Variants in CCDC14 observed in about 807,000 individuals in gnomAD.
The protein encoded by CCDC14 is coiled-coil domain-containing protein 14.
CCDC14 carries 71 observed loss-of-function variants against 81.4 expected under a neutral mutation model. That is an observed-to-expected ratio of 0.87 (90% confidence interval 0.72 to 1.06). CCDC14 has a LOEUF of 1.06. Among genes scored for constraint, CCDC14 ranks in the 50% least tolerant of loss-of-function variants. The pLI, the probability that CCDC14 is intolerant of heterozygous loss-of-function variation, is 0.00. For synonymous variants in CCDC14, 332 were observed against 364.8 expected (o/e 0.91, Z 1.03); for missense variants, 1,046 against 1,047.3 (o/e 1.00, Z 0.02).
chr3:123,920,259 T>C (rs2034965259), intron 12 of CCDC14, among the ~76,000 whole-genome samples: 1 of 152,040 alleles, frequency 6.6e-6, no homozygotes, highest in Non-Finnish European at 1.5e-5. Context: ...AGCCTACAGG[T>C]ATTATGAGAT....
intron 12 of CCDC14, among the ~76,000 whole-genome samples, chr3:123,928,454 C>T (rs2035511388): frequency 6.6e-6 from 1 of 151,586 alleles, no homozygotes; most frequent in Non-Finnish European, 1.5e-5. Context: ...TGCAGTGAGC[C>T]AAGATAGCGC....
intron 5 of CCDC14, among the ~76,000 whole-genome samples, chr3:123,900,563 A>G (rs1354443810): frequency 6.6e-6 from 1 of 152,214 alleles, no homozygotes; most frequent in Non-Finnish European, 1.5e-5. Flanking sequence ...CAGCGACTGG[A>G]CGTTCTATCG....
chr3:123,912,109 C>T (rs1233278849), downstream of CCDC14, among the ~76,000 whole-genome samples: 8 of 152,100 alleles, frequency 5.3e-5, no homozygotes, highest in Admixed American at 5.2e-4. Context: ...TGTATATTAC[C>T]TCCACAGATC....
At chr3:123,960,559 C>A (rs978837109) in intron 1 of CCDC14, among the ~76,000 whole-genome samples, 1 of 152,146 alleles carries the variant, frequency 6.6e-6, no homozygotes, top group African/African-American at 2.4e-5. Flanking sequence ...ATGAGTTATT[C>A]TATGTAATAC....
At chr3:123,919,244 T>C (rs1266413479) in intron 12 of CCDC14, among the ~76,000 whole-genome samples, 1 of 152,164 alleles carries the variant, frequency 6.6e-6, no homozygotes, top group African/African-American at 2.4e-5. Flanking sequence ...CATCCTTACA[T>C]ATCTGCAGAA....
chr3:123,957,238 T>C (rs561577455), intron 1 of CCDC14: 3 of 152,262 alleles, frequency 2.0e-5, no homozygotes, highest in Admixed American at 6.5e-5. Flanking sequence ...ATTTCTTTTA[T>C]GTAAAACGTC....
intron 10 of CCDC14, among the ~76,000 whole-genome samples, chr3:123,933,049 C>A (rs112374740): frequency 6.6e-6 from 1 of 152,010 alleles, no homozygotes; most frequent in Non-Finnish European, 1.5e-5. Flanking sequence ...CAGTGAGACA[C>A]GATCGCACCA....
At position 123,933,716 on chromosome 3, in the gene CCDC14, CTGT is replaced by C; in HGVS notation, c.1380_1382del (p.Gln461del). On this transcript the variant is annotated inframe_deletion, in exon 10 of 13. Coordinates refer to ENST00000409697, the MANE Select transcript of CCDC14 (RefSeq NM_001366335.1). ...CAGCACCAGATGGTTTTTGAGTTTTCTGTTGTTCTCTGAGTTGCTGGTTCAAAA... is the reference window on the plus strand; with the variant it reads ...CAGCACCAGATGGTTTTTGAGTTTTCTGTTCTCTGAGTTGCTGGTTCAAAA... 4 of 1,574,124 alleles carry C rather than the reference CTGT, an allele frequency of 2.5e-6. No individual in the cohort carries two copies. The highest frequency in any genetic ancestry group is 2.6e-6 in the Non-Finnish European group (3 of 1,157,232).
chr3:123,948,921 T>A lies in CCDC14; in HGVS notation c.564A>T (p.Val188=). The A allele has an allele frequency of 6.2e-7, 1 of 1,613,808 alleles. No homozygotes were observed. The highest frequency in any genetic ancestry group is 1.3e-5 in the African/African-American group (1 of 75,056). Residue 188 remains valine (V), a synonymous_variant, in exon 6 of 13, where the codon GTA becomes GTT. Coordinates refer to ENST00000409697, the MANE Select transcript of CCDC14 (RefSeq NM_001366335.1). ...SKNIPNGIPA[V]PCHAPSHSES... ...CAGAATGAGAGGGAGCATGGCATGG[T>A]ACAGCAGGAATTCCATTAGGGATGT... is the stretch of plus-strand genomic sequence containing the variant.
chr3:123,930,753 A>C (rs2035649066), intron 12 of CCDC14: 1 of 178,646 alleles, frequency 5.6e-6, no homozygotes, highest in Non-Finnish European at 1.2e-5. Context: ...GAGAAGTTAA[A>C]TGGCTTGCTC....
At chr3:123,930,997 G>C in intron 12 of CCDC14, 105 bp downstream of exon 12, 3 of 955,740 alleles carry the variant, frequency 3.1e-6, no homozygotes, top group Non-Finnish European at 4.4e-6. Context: ...GGCAAAATAA[G>C]AGAAAAAGAT....
chr3:123,894,305 A>G (rs1577192062), downstream of CCDC14, among the ~76,000 whole-genome samples: 1 of 152,162 alleles, frequency 6.6e-6, no homozygotes, highest in Non-Finnish European at 1.5e-5. Flanking sequence ...TCTCCATTCC[A>G]TTGGCCCATA....
chr3:123,922,808 A>G (rs1320699177), intron 12 of CCDC14, among the ~76,000 whole-genome samples: 3 of 152,286 alleles, frequency 2.0e-5, no homozygotes, highest in Non-Finnish European at 2.9e-5. Flanking sequence ...AGGATTGAGA[A>G]TACCAACCCT....
downstream of CCDC14, among the ~76,000 whole-genome samples, chr3:123,912,352 C>T (rs1009272463): frequency 6.6e-6 from 1 of 152,182 alleles, no homozygotes; most frequent in Non-Finnish European, 1.5e-5. Flanking sequence ...CTGAGATGAT[C>T]TAAAGACGAC....
In CCDC14 at chr3:123,915,159, G is replaced by A. The variant is rs367677491; in HGVS notation, c.2338C>T (p.Pro780Ser). Residue 780 changes from proline to serine, a missense_variant, in exon 13 of 13, where the codon CCT becomes TCT. By Grantham distance (74) the Pro-to-Ser change is moderately conservative. Transcript: ENST00000409697. Reference sequence around the variant, plus strand: ...TTTGTTGAAGAGGAACAGATTACAGGTGTACACAGTTTATTTTCTTTTCCA... The same window carrying A: ...TTTGTTGAAGAGGAACAGATTACAGATGTACACAGTTTATTTTCTTTTCCA... ...VSGKENKLCT[P>S]VICSSSTKEA... is the part of the protein sequence containing the mutation. The A allele has an allele frequency of 3.1e-5, 50 of 1,613,762 alleles. No homozygotes were observed. The Middle Eastern group carries it at 6.6e-4, about 21-fold the overall frequency.
intron 5 of CCDC14, among the ~76,000 whole-genome samples, chr3:123,906,022 C>T (rs1041256895): frequency 6.6e-6 from 1 of 152,114 alleles, no homozygotes; most frequent in African/African-American, 2.4e-5. Context: ...GCTGAAAAAC[C>T]AATGAATGAG....
chr3:123,942,975 C>A (rs187564292), intron 9 of CCDC14, among the ~76,000 whole-genome samples: 1 of 151,858 alleles, frequency 6.6e-6, no homozygotes, highest in East Asian at 1.9e-4. Flanking sequence ...TGGGGCTACA[C>A]GAGTGCTTAC....
chr3:123,915,155 A>G lies in CCDC14; in HGVS notation c.2342T>C (p.Val781Ala), dbSNP rs748705418. ...TTCCTTTGTTGAAGAGGAACAGATT[A>G]CAGGTGTACACAGTTTATTTTCTTT... The part of the protein sequence containing the change: ...SGKENKLCTP[V>A]ICSSSTKEAE... The change falls in exon 13 of 13, where the codon GTA becomes GCA. Residue 781 changes from valine (V) to alanine (A), a missense_variant. Coordinates refer to ENST00000409697, the MANE Select transcript of CCDC14 (RefSeq NM_001366335.1). The G allele has an allele frequency of 9.9e-6, 16 of 1,613,730 alleles. No homozygotes were observed. The African/African-American group carries it at 1.9e-4, about 19-fold the overall frequency.
intron 5 of CCDC14, among the ~76,000 whole-genome samples, chr3:123,898,637 G>A (rs1293169054): frequency 6.6e-6 from 1 of 152,124 alleles, no homozygotes; most frequent in East Asian, 1.9e-4. Flanking sequence ...ATCCTAAACA[G>A]GTGTGAAGTG....
Sources: gnomAD v4.1 joint callset for allele counts (sites outside exome capture counted in the v4.1 genomes callset) on GRCh38, gnomAD v4.1.1 for gene constraint, MANE v1.5 for transcripts, NCBI Gene and HGNC (gene_info 2026-07-23, HGNC 2026-07-21) for gene names.